TRPM3: variants seen among roughly 807,000 people sequenced by gnomAD.
TRPM3 encodes transient receptor potential cation channel subfamily M member 3.
A neutral mutation model predicts 181.2 loss-of-function variants in TRPM3; 77 were observed. The ratio of observed to expected loss-of-function variants is 0.42; its 90% confidence interval spans 0.35 to 0.51. The LOEUF (loss-of-function observed/expected upper bound fraction) is 0.51. Ranked by LOEUF, TRPM3 falls within the 20% of genes least tolerant of loss-of-function variation. TRPM3 has a pLI of 0.01. For missense variants in TRPM3, 1,759 were observed against 2,196.7 expected (o/e 0.80, Z 3.98); for synonymous variants, 745 against 796.4 (o/e 0.94, Z 1.09).
chr9:70,618,971 CG>C lies in TRPM3; in HGVS notation c.2253del (p.Val752TrpfsTer36). 6.2e-7 allele frequency: 1 copy of C among 1,614,122 alleles called. No individual in the cohort carries two copies. The highest frequency in any genetic ancestry group is 8.5e-7 in the Non-Finnish European group (1 of 1,180,024). On this transcript the variant is annotated frameshift_variant, in exon 17 of 26. Transcript: ENST00000677713. LOFTEE classifies it high-confidence loss of function. The stretch of plus-strand genomic sequence containing the variant: ...ATGAAGTCGCGGTGTTTGGCAGCCA[CG>C]GCAAGCTGCAGGCACGTGGCGTTGC... ...NWSNATCLQL[A>X]VAAKHRDFIA... is the part of the protein sequence containing the mutation.
chr9:70,902,423 A>G (rs1370910463), intron 1 of TRPM3, among the ~76,000 whole-genome samples: 2 of 152,230 alleles, frequency 1.3e-5, no homozygotes, highest in Non-Finnish European at 2.9e-5. Flanking sequence ...GAACTGCTTA[A>G]GATTTATCTT....
At chr9:71,281,532 T>A (rs1054505702) in intron 1 of TRPM3, among the ~76,000 whole-genome samples, 9 of 152,238 alleles carry the variant, frequency 5.9e-5, no homozygotes, top group African/African-American at 2.2e-4. Context: ...TATATTTGAA[T>A]TAATTCTGCT....
chr9:71,377,537 G>A (rs1166431871), intron 1 of TRPM3, among the ~76,000 whole-genome samples: 1 of 152,008 alleles, frequency 6.6e-6, no homozygotes, highest in Non-Finnish European at 1.5e-5. Flanking sequence ...AAATCACCAT[G>A]CCCACCTCTC....
chr9:70,755,283 C>T (rs1026431285), intron 8 of TRPM3, among the ~76,000 whole-genome samples: 2 of 151,952 alleles, frequency 1.3e-5, no homozygotes, highest in Non-Finnish European at 2.9e-5. Flanking sequence ...GGTCAGGTTA[C>T]CCACAAAGGG....
Position 70,642,396 on chromosome 9 carries a change from A to G in TRPM3, c.1346-1736T>C, listed in dbSNP as rs186784307. ...GCTGCTTCTGATGTTTAGGAAAGAAATATAGCAAATGTGTATGCTGTTCAT... is the reference window on the plus strand; with the variant it reads ...GCTGCTTCTGATGTTTAGGAAAGAAGTATAGCAAATGTGTATGCTGTTCAT... On this transcript the variant is annotated intron_variant, in intron 9 of 25. Coordinates refer to ENST00000677713, the MANE Select transcript of TRPM3 (RefSeq NM_001366145.2). Among the ~76,000 whole-genome samples the G allele has an allele frequency of 2.0e-5, 3 of 152,310 alleles. No individual in the cohort carries two copies. In the East Asian group the frequency reaches 5.8e-4, roughly 29 times the overall value.
At chr9:70,584,211 G>A (rs2056632735) in intron 22 of TRPM3, among the ~76,000 whole-genome samples, 1 of 151,992 alleles carries the variant, frequency 6.6e-6, no homozygotes, top group South Asian at 2.1e-4. Context: ...ATATTTTTAT[G>A]AGTCCACTTC....
chr9:70,938,474 C>CT (rs1200100401), intron 1 of TRPM3, among the ~76,000 whole-genome samples: 1 of 152,140 alleles, frequency 6.6e-6, no homozygotes, highest in African/African-American at 2.4e-5. Flanking sequence ...TTAATCCTGT[C>CT]TTTTTTTTCT....
At chr9:71,026,587 C>T (rs1214164327) in intron 1 of TRPM3, among the ~76,000 whole-genome samples, 1 of 152,204 alleles carries the variant, frequency 6.6e-6, no homozygotes, top group African/African-American at 2.4e-5. Flanking sequence ...CATGCCACTG[C>T]TGGGCGTAAA....
At position 70,981,147 on chromosome 9, in the gene TRPM3, TCTAGTGA is replaced by T. The variant is rs541621789; in HGVS notation, c.178-116643_178-116637del. ...CCCCATCCCCACAGACCTGCTCACTTCTAGTGACAAAGCTGACAATGTGATTTGGTCC... is the reference window on the plus strand; with the variant it reads ...CCCCATCCCCACAGACCTGCTCACTTCAAAGCTGACAATGTGATTTGGTCC... On this transcript the variant is annotated intron_variant, in intron 1 of 25. Coordinates refer to ENST00000677713, the MANE Select transcript of TRPM3 (RefSeq NM_001366145.2). Among the ~76,000 whole-genome samples the T allele has an allele frequency of 1.2e-4, 19 of 152,306 alleles. 1 individual carries two copies. In the South Asian group the frequency reaches 3.9e-3, roughly 32 times the overall value.
intron 8 of TRPM3, among the ~76,000 whole-genome samples, chr9:70,695,270 T>C (rs2069985325): frequency 6.6e-6 from 1 of 152,226 alleles, no homozygotes; most frequent in Non-Finnish European, 1.5e-5. Context: ...TCTCTGAGCT[T>C]TGGGGTTTCT....
At chr9:71,236,454 T>C (rs999201117) in intron 1 of TRPM3, among the ~76,000 whole-genome samples, 1 of 152,074 alleles carries the variant, frequency 6.6e-6, no homozygotes, top group Non-Finnish European at 1.5e-5. Flanking sequence ...TAAAAAGTAG[T>C]AGCAGGAAAA....
chr9:70,839,140 G>C (rs1449572980), intron 5 of TRPM3, among the ~76,000 whole-genome samples: 1 of 152,162 alleles, frequency 6.6e-6, no homozygotes, highest in East Asian at 1.9e-4. Flanking sequence ...TAGAGATGAA[G>C]TTGTGAAGTA....
chr9:70,658,568 T>C (rs1316633444), intron 9 of TRPM3, among the ~76,000 whole-genome samples: 4 of 152,114 alleles, frequency 2.6e-5, no homozygotes, highest in Non-Finnish European at 5.9e-5. Context: ...TGTATGTTAT[T>C]AGTAATAATT....
chr9:71,121,114 C>A, intron 1 of TRPM3, 64 bp downstream of exon 1: 1 of 1,538,012 alleles, frequency 6.5e-7, no homozygotes, highest in South Asian at 1.2e-5. Flanking sequence ...GCCCAAGTCC[C>A]CAAGTTGGGT....
At chr9:70,761,178 A>G (rs954734906) in intron 8 of TRPM3, 1 of 496,428 alleles carries the variant, frequency 2.0e-6, no homozygotes. Context: ...TTCTACCTGT[A>G]CAGATTAGTG....
intron 9 of TRPM3, among the ~76,000 whole-genome samples, chr9:70,680,405 T>A (rs184642258): frequency 6.6e-6 from 1 of 152,118 alleles, no homozygotes; most frequent in African/African-American, 2.4e-5. Context: ...CACTGGAAAA[T>A]GAATGAAATA....
intron 1 of TRPM3, among the ~76,000 whole-genome samples, chr9:71,388,080 T>A (rs1354877788): frequency 1.3e-5 from 2 of 152,152 alleles, no homozygotes; most frequent in African/African-American, 4.8e-5. Context: ...AGTCAGGGAT[T>A]TCTGTGCCAC....
At chr9:71,216,933 CTTTCTTTT>C (rs1412705338) in intron 1 of TRPM3, among the ~76,000 whole-genome samples, 7 of 128,816 alleles carry the variant, frequency 5.4e-5, no homozygotes, top group African/African-American at 1.9e-4. Flanking sequence ...GTCAGTGGCC[CTTTCTTTT>C]TTTTTTTTTT....
intron 1 of TRPM3, among the ~76,000 whole-genome samples, chr9:71,134,748 TTACTG>T (rs2074661306): frequency 6.6e-6 from 1 of 152,302 alleles, no homozygotes; most frequent in South Asian, 2.1e-4. Flanking sequence ...TATTGGTCTG[TTACTG>T]AAGAAATGTA....
Sources: gnomAD v4.1 joint callset for allele counts (sites outside exome capture counted in the v4.1 genomes callset) on GRCh38, gnomAD v4.1.1 for gene constraint, MANE v1.5 for transcripts, NCBI Gene and HGNC (gene_info 2026-07-23, HGNC 2026-07-21) for gene names.